Variants in NDUFA3 observed in about 807,000 individuals in gnomAD.
NDUFA3 encodes the protein NADH:ubiquinone oxidoreductase subunit A3.
A neutral mutation model predicts 11.4 loss-of-function variants in NDUFA3; 10 were observed. The ratio of observed to expected loss-of-function variants is 0.87; its 90% CI spans 0.54 to 1.48. The LOEUF is 1.48. Among genes scored for constraint, NDUFA3 ranks in the 40% most tolerant of loss-of-function variants. The probability of loss-of-function intolerance (pLI) is 0.00; values close to 1 mark genes in which losing one functional copy is unlikely to be tolerated. For synonymous variants in NDUFA3, 39 were observed against 46.9 expected (o/e 0.83, Z 0.68); for missense variants, 115 against 110.5 (o/e 1.04, Z -0.18).
chr19:54,106,337 T>C (rs1373374366), intron 3 of NDUFA3: 1 of 398,824 alleles, frequency 2.5e-6, no homozygotes, highest in South Asian at 2.7e-5. Flanking sequence ...ACGCAAACTT[T>C]TTCGTATTTT....
chr19:54,106,516 G>A (rs2073265229), intron 3 of NDUFA3: 2 of 437,656 alleles, frequency 4.6e-6, no homozygotes, highest in Non-Finnish European at 8.0e-6. Context: ...CTCTCTCTGG[G>A]TTCCCATCTG....
chr19:54,107,383 G>T lies in NDUFA3; in HGVS notation c.*481G>T. The T allele has an allele frequency of 1.6e-6, 1 of 606,706 alleles. No individual in the cohort carries two copies. Among genetic ancestry groups the T allele is most frequent in the Non-Finnish European group, 2.8e-6 (1 of 356,104 alleles). 37.6% of individuals were successfully genotyped at this position (606,706 alleles called of 1,614,324 possible). On this transcript the variant is annotated 3_prime_UTR_variant, in exon 4 of 4. Transcript: ENST00000485876. ...CCCACCTCAGCTTCCCAAGTAGCTGGGACTACAGGCACTTGCCAACCAAGC... is the reference window on the plus strand; with the variant it reads ...CCCACCTCAGCTTCCCAAGTAGCTGTGACTACAGGCACTTGCCAACCAAGC...
intron 3 of NDUFA3, chr19:54,106,497 G>A (rs1023046866): frequency 2.4e-6 from 1 of 413,748 alleles, no homozygotes. Context: ...TACCTTTCCA[G>A]ATTTCTGTCT....
At position 54,107,537 on chromosome 19, in the gene NDUFA3, C is replaced by T. The variant is rs779824943; in HGVS notation, c.*635C>T. The T allele has an allele frequency of 1.3e-4, 39 of 302,144 alleles. No individual in the cohort carries two copies. The highest frequency in any genetic ancestry group is 2.2e-4 in the Non-Finnish European group (36 of 161,970). 18.7% of individuals were successfully genotyped at this position (302,144 alleles called of 1,614,324 possible). On this transcript the variant is annotated 3_prime_UTR_variant, in exon 4 of 4. Coordinates refer to ENST00000485876, the MANE Select transcript of NDUFA3 (RefSeq NM_004542.4). ...GTGCCGGGATTACAGGCATGAGCCA[C>T]TGCACCTGGCCAGCCTCACAGTTCT...
intron 2 of NDUFA3, among the ~76,000 whole-genome samples, chr19:54,104,541 G>T (rs1298554911): frequency 1.3e-5 from 2 of 152,148 alleles, no homozygotes; most frequent in African/African-American, 4.8e-5. Flanking sequence ...ACTAGGTTAA[G>T]GTTCTGAACA....
chr19:54,106,323 C>T (rs587618446), intron 3 of NDUFA3: 17 of 421,000 alleles, frequency 4.0e-5, no homozygotes, highest in African/African-American at 1.2e-4. Flanking sequence ...CCCGCCACCA[C>T]GACACGCAAA....
Position 54,106,996 on chromosome 19 carries a change from G to T in NDUFA3, c.*94G>T. 1 of 1,605,646 alleles carries T rather than the reference G, an allele frequency of 6.2e-7. No individual in the cohort carries two copies. On this transcript the variant is annotated 3_prime_UTR_variant, in exon 4 of 4. Coordinates refer to ENST00000485876, the MANE Select transcript of NDUFA3 (RefSeq NM_004542.4). ...GTGAGCATGTGTGTGATCAGAGGTGGGAACAAGTAGACGGTGGCCGGGGTG... is the reference window on the plus strand; with the variant it reads ...GTGAGCATGTGTGTGATCAGAGGTGTGAACAAGTAGACGGTGGCCGGGGTG...
rs369757230 is a variant in NDUFA3 at position 54,107,078 on chromosome 19, G to C, written c.*176G>C. The C allele has an allele frequency of 6.2e-7, 1 of 1,613,884 alleles. No homozygotes were observed. Among genetic ancestry groups the C allele is most frequent in the Non-Finnish European group, 8.5e-7 (1 of 1,179,964 alleles). On this transcript the variant is annotated 3_prime_UTR_variant, in exon 4 of 4. Coordinates refer to ENST00000485876, the MANE Select transcript of NDUFA3 (RefSeq NM_004542.4). Reference sequence around the variant, plus strand: ...GTCAGAGGCTGGGCTGGCCAGGGTCGGGTAGGGCAGCAGTTTGTCTGGACC... The same window carrying C: ...GTCAGAGGCTGGGCTGGCCAGGGTCCGGTAGGGCAGCAGTTTGTCTGGACC...
Position 54,106,964 on chromosome 19 carries a change from C to A in NDUFA3, c.*62C>A, listed in dbSNP as rs1315259885. On this transcript the variant is annotated 3_prime_UTR_variant, in exon 4 of 4. Transcript: ENST00000485876. ...CCCAATAAAAATGTGAAAACCAACCCCCGAACGTGAGCATGTGTGTGATCA... is the reference window on the plus strand; with the variant it reads ...CCCAATAAAAATGTGAAAACCAACCACCGAACGTGAGCATGTGTGTGATCA... 1 of 1,601,268 alleles carries A rather than the reference C, an allele frequency of 6.2e-7. No homozygotes were observed. The highest frequency in any genetic ancestry group is 1.7e-5 in the Admixed American group (1 of 58,132).
chr19:54,107,352 G>A lies in NDUFA3; in HGVS notation c.*450G>A. On this transcript the variant is annotated 3_prime_UTR_variant, in exon 4 of 4. Coordinates refer to ENST00000485876, the MANE Select transcript of NDUFA3 (RefSeq NM_004542.4). ...CAGCCTCTGCCTCCCAGGCTCAAGTGATCCTCCCACCTCAGCTTCCCAAGT... is the reference window on the plus strand; with the variant it reads ...CAGCCTCTGCCTCCCAGGCTCAAGTAATCCTCCCACCTCAGCTTCCCAAGT... 1 of 745,584 alleles carries A rather than the reference G, an allele frequency of 1.3e-6. No homozygotes were observed. Among genetic ancestry groups the A allele is most frequent in the Non-Finnish European group, 2.1e-6 (1 of 469,630 alleles). The allele number at this position is 745,584 out of a possible 1,614,324, so 46.2% of individuals were successfully genotyped here.
At chr19:54,106,716 C>T (rs777948402) in intron 3 of NDUFA3, 95 bp from the exon 4 acceptor site, 13 of 1,059,832 alleles carry the variant, frequency 1.2e-5, no homozygotes, top group Non-Finnish European at 1.7e-5. Context: ...CCCTGGGGTC[C>T]CCCTTCCCTC....
At chr19:54,106,339 T>C in intron 3 of NDUFA3, 1 of 400,030 alleles carries the variant, frequency 2.5e-6, no homozygotes. Context: ...GCAAACTTTT[T>C]CGTATTTTTT....
chr19:54,106,385 T>G (rs254266), intron 3 of NDUFA3: 169,508 of 345,044 alleles, frequency 0.49, 42,404 homozygotes, highest in Non-Finnish European at 0.53. Context: ...TAGCCAGGAT[T>G]GTCTCGATCT....
chr19:54,102,868 C>G lies in NDUFA3; in HGVS notation c.-11C>G. ...CGCGTCCTCGCCGCTGTCGCCGCCG[C>G]GGAGACAAAGATGGCTGCGAGTAAG... On this transcript the variant is annotated 5_prime_UTR_variant, in exon 1 of 4. Transcript: ENST00000485876. The G allele has an allele frequency of 6.2e-7, 1 of 1,609,502 alleles. No homozygotes were observed. Among genetic ancestry groups the G allele is most frequent in the South Asian group, 1.1e-5 (1 of 90,542 alleles).
chr19:54,103,054 G>T, intron 1 of NDUFA3, 60 bp from the exon 2 acceptor site: 5 of 1,580,766 alleles, frequency 3.2e-6, no homozygotes, highest in Non-Finnish European at 4.3e-6. Context: ...TGGCACGAGA[G>T]GGTTAGAGGT....
intron 2 of NDUFA3, chr19:54,105,605 C>T (rs765257243): frequency 4.2e-5 from 24 of 572,408 alleles, no homozygotes; most frequent in Admixed American, 1.1e-4. Flanking sequence ...AGAACAGTCC[C>T]ATGACACTAC....
In NDUFA3 at chr19:54,106,142, A is replaced by C. The variant is rs2073253620; in HGVS notation, c.163+131A>C. 5 of 799,882 alleles carry C rather than the reference A, an allele frequency of 6.3e-6. No individual in the cohort carries two copies. In the Admixed American group the frequency reaches 1.0e-4, roughly 17 times the overall value. 49.5% of individuals were successfully genotyped at this position (799,882 alleles called of 1,614,324 possible). ...CAGTGGTGCCCGGACCCCCCGTTCC[A>C]TTTTTTAAGAATTGAGATATAATTC... On this transcript the variant is annotated intron_variant, in intron 3 of 3. Coordinates refer to ENST00000485876, the MANE Select transcript of NDUFA3 (RefSeq NM_004542.4).
rs1158242972 is a variant in NDUFA3, at chr19:54,102,886, C to G, written c.8C>G (p.Ala3Gly). The G allele has an allele frequency of 1.2e-6, 2 of 1,610,084 alleles. No homozygotes were observed. The highest frequency in any genetic ancestry group is 2.2e-5 in the East Asian group (1 of 44,760). The change falls in exon 1 of 4, where the codon GCG becomes GGG. Residue 3 changes from alanine to glycine, a missense_variant and splice_region_variant. Coordinates refer to ENST00000485876, the MANE Select transcript of NDUFA3 (RefSeq NM_004542.4). Reference protein sequence around the residue: MAARVGAFLKNAW... With the variant: MAGRVGAFLKNAW... ...GCCGCCGCGGAGACAAAGATGGCTG[C>G]GAGTAAGTGCAGGTGCCGGTGGCGC...
rs1300799709 is a variant in NDUFA3 at position 54,106,836 on chromosome 19, G to T, written c.189G>T (p.Met63Ile). ...YPVPVRDDGN[M>I]PDVPSHPQDP... The stretch of plus-strand genomic sequence containing the variant: ...TGCCCGTCCGTGATGATGGGAACAT[G>T]CCCGACGTGCCCAGCCACCCCCAGG... Residue 63 changes from methionine (M) to isoleucine (I), a missense_variant, in exon 4 of 4, where the codon ATG (methionine) becomes ATT (isoleucine). Met to Ile is a conservative substitution (Grantham distance 10). Coordinates refer to ENST00000485876, the MANE Select transcript of NDUFA3 (RefSeq NM_004542.4). 8 of 1,613,458 alleles carry T rather than the reference G, an allele frequency of 5.0e-6. No homozygotes were observed. In the African/African-American group the frequency reaches 9.4e-5, roughly 19 times the overall value.
Sources: gnomAD v4.1 joint callset for allele counts (sites outside exome capture counted in the v4.1 genomes callset) on GRCh38, gnomAD v4.1.1 for gene constraint, MANE v1.5 for transcripts, NCBI Gene and HGNC (gene_info 2026-07-23, HGNC 2026-07-21) for gene names.